AGL: variants seen among roughly 807,000 people sequenced by gnomAD.
AGL encodes the protein glycogen debranching enzyme.
Under a neutral mutation model 199.3 loss-of-function variants are expected in AGL, and 128 were observed. The ratio of observed to expected loss-of-function variants is 0.64; its 90% confidence interval spans 0.56 to 0.74. The LOEUF is 0.74. AGL is among the 30% of genes least tolerant of loss of function. The probability of loss-of-function intolerance (pLI) is 0.00; values close to 1 mark genes in which losing one functional copy is unlikely to be tolerated. For missense variants in AGL, 1,809 were observed against 1,820.8 expected (o/e 0.99, Z 0.12); for synonymous variants, 584 against 594.7 (o/e 0.98, Z 0.26).
In AGL at chr1:99,896,316, G is replaced by A. The variant is rs185947256; in HGVS notation, c.3290G>A (p.Arg1097His). The change falls in exon 25 of 34, where the codon CGC (arginine) becomes CAC (histidine). Residue 1097 changes from arginine (R) to histidine (H), a missense_variant. Physicochemically the swap from Arg to His is conservative, Grantham distance 29 (BLOSUM62 0). Coordinates refer to ENST00000361915, the MANE Select transcript of AGL (RefSeq NM_000642.3). ...GLPHFSSGIF[R>H]CWGRDTFIAL... Reference sequence around the variant, plus strand: ...CCTCATTTTTCTTCTGGTATTTTCCGCTGCTGGGGAAGGGATACTTTTATT... The same window carrying A: ...CCTCATTTTTCTTCTGGTATTTTCCACTGCTGGGGAAGGGATACTTTTATT... The A allele has an allele frequency of 6.4e-5, 103 of 1,613,762 alleles. No individual in the cohort carries two copies. The East Asian group carries it at 1.6e-3, about 25-fold the overall frequency.
chr1:99,869,125 C>T (rs1290693851), intron 5 of AGL, among the ~76,000 whole-genome samples: 1 of 152,100 alleles, frequency 6.6e-6, no homozygotes, highest in Non-Finnish European at 1.5e-5. Context: ...GCACCTAGCC[C>T]CAATATTTAT....
Position 99,916,417 on chromosome 1 carries a change from G to C in AGL, c.4267G>C (p.Val1423Leu). The C allele has an allele frequency of 6.2e-7, 1 of 1,608,240 alleles. No homozygotes were observed. Among genetic ancestry groups the C allele is most frequent in the Non-Finnish European group, 8.5e-7 (1 of 1,175,978 alleles). Reference protein sequence around the residue: ...GMKTLDPDDMVYCGIYDNALD... With the variant: ...GMKTLDPDDMLYCGIYDNALD... ...ATTTCAATCATTTTGCAGTGATATG[G>C]TTTACTGTGGAATTTATGACAATGC... Residue 1423 changes from valine (V) to leucine (L), a missense_variant, in exon 32 of 34, where the codon GTT becomes CTT. Coordinates refer to ENST00000361915, the MANE Select transcript of AGL (RefSeq NM_000642.3).
intron 7 of AGL, 50 bp downstream of exon 7, chr1:99,870,919 T>C: frequency 8.6e-7 from 1 of 1,157,028 alleles, no homozygotes. Flanking sequence ...AAATGTAATA[T>C]TATAAAGGGA....
intron 29 of AGL, among the ~76,000 whole-genome samples, chr1:99,913,029 C>G (rs1446917186): frequency 6.6e-6 from 1 of 152,082 alleles, no homozygotes; most frequent in African/African-American, 2.4e-5. Context: ...TTGAGACCAT[C>G]CTGGGCAACA....
Position 99,915,491 on chromosome 1 carries a change from G to A in AGL, c.4259+5G>A, listed in dbSNP as rs780504025. Reference sequence around the variant, plus strand: ...CATGAAAACTTTAGATCCAGAGTAAGTTGGAATATAAGTATTAAGAATGTT... The same window carrying A: ...CATGAAAACTTTAGATCCAGAGTAAATTGGAATATAAGTATTAAGAATGTT... On this transcript the variant is annotated splice_donor_5th_base_variant and intron_variant, in intron 31 of 33. Transcript: ENST00000361915. 5 of 1,585,922 alleles carry A rather than the reference G, an allele frequency of 3.2e-6. No homozygotes were observed. Among genetic ancestry groups the A allele is most frequent in the Non-Finnish European group, 4.3e-6 (5 of 1,155,256 alleles).
chr1:99,879,978 T>A lies in AGL; in HGVS notation c.1667T>A (p.Leu556Gln). The change falls in exon 13 of 34, where the codon CTG becomes CAG. Residue 556 changes from leucine to glutamine, a missense_variant. By Grantham distance (113) the Leu-to-Gln change is moderately radical. Coordinates refer to ENST00000361915, the MANE Select transcript of AGL (RefSeq NM_000642.3). ...CCCAATTTATATGTAGTAGCTGAAC[T>A]GTTCACAGGAAGTGAAGATCTGGAC... ...LQPNLYVVAELFTGSEDLDNV... is the reference protein window; with the variant it reads ...LQPNLYVVAEQFTGSEDLDNV... 1 of 1,613,822 alleles carries A rather than the reference T, an allele frequency of 6.2e-7. No individual in the cohort carries two copies. Among genetic ancestry groups the A allele is most frequent in the Non-Finnish European group, 8.5e-7 (1 of 1,179,838 alleles).
chr1:99,913,795 T>C, intron 30 of AGL, 57 bp downstream of exon 30: 1 of 1,503,302 alleles, frequency 6.7e-7, no homozygotes, highest in Non-Finnish European at 9.3e-7. Flanking sequence ...GTTTGCTTAG[T>C]TCCTTATTCC....
In AGL at chr1:99,850,883, AAC is replaced by A. The variant is rs1648893065; in HGVS notation, c.-68-87_-68-86del. 9 of 721,356 alleles carry A rather than the reference AAC, an allele frequency of 1.2e-5. No individual in the cohort carries two copies. The South Asian group carries it at 1.3e-4, about 10-fold the overall frequency. 44.7% of individuals were successfully genotyped at this position (721,356 alleles called of 1,614,324 possible). On this transcript the variant is annotated intron_variant, in intron 1 of 33. Coordinates refer to ENST00000361915, the MANE Select transcript of AGL (RefSeq NM_000642.3). ...TCTTTCATTGCTCTGCTAGGCATAAAACACACTTCGAACATGTAAGTGCCGCT... is the reference window on the plus strand; with the variant it reads ...TCTTTCATTGCTCTGCTAGGCATAAAACACTTCGAACATGTAAGTGCCGCT...
chr1:99,885,863 A>C (rs1321181356), intron 20 of AGL, among the ~76,000 whole-genome samples: 1 of 152,178 alleles, frequency 6.6e-6, no homozygotes, highest in African/African-American at 2.4e-5. Context: ...TAAAGTACAC[A>C]ATAAATGTAA....
intron 26 of AGL, among the ~76,000 whole-genome samples, chr1:99,901,178 A>G (rs1230398198): frequency 1.3e-5 from 2 of 151,956 alleles, no homozygotes; most frequent in Non-Finnish European, 2.9e-5. Context: ...GAAAGTAGCT[A>G]AAGTTTCACC....
chr1:99,915,236 A>G (rs1161530704), intron 30 of AGL, among the ~76,000 whole-genome samples, 153 bp from the exon 31 acceptor site: 1 of 151,830 alleles, frequency 6.6e-6, no homozygotes, highest in East Asian at 1.9e-4. Flanking sequence ...AGTCAGCCTC[A>G]TAGGATTAGA....
intron 7 of AGL, among the ~76,000 whole-genome samples, chr1:99,871,109 A>G (rs1056957123): frequency 6.6e-6 from 1 of 152,216 alleles, no homozygotes; most frequent in African/African-American, 2.4e-5. Context: ...TGTTAGTTCC[A>G]TAGAATGCTC....
chr1:99,905,355 C>G (rs1654191697), intron 27 of AGL, among the ~76,000 whole-genome samples: 1 of 151,180 alleles, frequency 6.6e-6, no homozygotes, highest in African/African-American at 2.5e-5. Context: ...GCCACCACAA[C>G]TAGCTAATTT....
chr1:99,861,313 A>C, intron 2 of AGL, 190 bp from the exon 3 acceptor site: 1 of 1,460,614 alleles, frequency 6.8e-7, no homozygotes, highest in Non-Finnish European at 9.0e-7. Flanking sequence ...GATGTTTACT[A>C]TACTTGCTAA....
chr1:99,867,467 A>G (rs1001021929), intron 5 of AGL, among the ~76,000 whole-genome samples: 5 of 152,140 alleles, frequency 3.3e-5, no homozygotes, highest in African/African-American at 1.2e-4. Context: ...GCCTGGGGTT[A>G]TAGTTTCATG....
chr1:99,891,606 G>A lies in AGL; in HGVS notation c.2950G>A (p.Val984Ile), dbSNP rs1160721945. 2 of 1,613,402 alleles carry A rather than the reference G, an allele frequency of 1.2e-6. No homozygotes were observed. The highest frequency in any genetic ancestry group is 3.3e-5 in the Admixed American group (2 of 59,968). Residue 984 changes from valine (V) to isoleucine (I), a missense_variant and splice_region_variant, in exon 23 of 34, where the codon GTT (valine) becomes ATT (isoleucine). Coordinates refer to ENST00000361915, the MANE Select transcript of AGL (RefSeq NM_000642.3). Reference protein sequence around the residue: ...LISRSGTIAEVGKWLQAMFFY... With the variant: ...LISRSGTIAEIGKWLQAMFFY... ...ACTTTCAAATTTATTTTAATTACAG[G>A]TTGGTAAATGGTTGCAGGCTATGTT...
intron 33 of AGL, among the ~76,000 whole-genome samples, chr1:99,918,544 G>C (rs530730376): frequency 1.3e-5 from 2 of 151,930 alleles, no homozygotes; most frequent in Non-Finnish European, 2.9e-5. Flanking sequence ...GGCTGGTCTC[G>C]AACTCCTAGG....
intron 33 of AGL, 93 bp from the exon 34 acceptor site, chr1:99,921,441 T>G (rs1056412539): frequency 2.4e-5 from 20 of 838,566 alleles, no homozygotes; most frequent in Non-Finnish European, 4.2e-5. Flanking sequence ...TATGATTATT[T>G]TCTACACTAG....
chr1:99,875,058 A>G (rs1341022148), intron 8 of AGL, 96 bp from the exon 9 acceptor site: 7 of 1,162,194 alleles, frequency 6.0e-6, no homozygotes, highest in African/African-American at 1.6e-5. Context: ...CCCGATGAAT[A>G]TATTTAAGGT....
Sources: gnomAD v4.1 joint callset for allele counts (sites outside exome capture counted in the v4.1 genomes callset) on GRCh38, gnomAD v4.1.1 for gene constraint, MANE v1.5 for transcripts, NCBI Gene and HGNC (gene_info 2026-07-23, HGNC 2026-07-21) for gene names.